The following DOCK5 variants were observed in gnomAD, a reference collection of about 807,000 sequenced individuals.
DOCK5 encodes dedicator of cytokinesis 5.
DOCK5 carries 142 observed loss-of-function variants against 251.8 expected under a neutral mutation model. The observed-to-expected ratio is 0.56, with a 90% CI of 0.49 to 0.65. DOCK5 has a LOEUF of 0.65. DOCK5 is among the 30% of genes least tolerant of loss of function. The pLI, the probability that DOCK5 is intolerant of heterozygous loss-of-function variation, is 0.00. For synonymous variants in DOCK5, 842 were observed against 835.5 expected (o/e 1.01, Z -0.13); for missense variants, 2,111 against 2,312.3 (o/e 0.91, Z 1.79).
Position 25,275,554 on chromosome 8 carries a change from G to T in DOCK5, c.224+113G>T, listed in dbSNP as rs538470910. The stretch of plus-strand genomic sequence containing the variant: ...TACGTTAATAGTTCTCTCATCTCAG[G>T]CCAGGCGTGGTGGCTCACGCCTGTA... On this transcript the variant is annotated intron_variant, in intron 4 of 51. Transcript: ENST00000276440. 25 of 1,085,894 alleles carry T rather than the reference G, an allele frequency of 2.3e-5. No individual in the cohort carries two copies. In the African/African-American group the frequency reaches 3.3e-4, roughly 14 times the overall value. The allele number at this position is 1,085,894 out of a possible 1,614,324, so 67.3% of individuals were successfully genotyped here. A position where few individuals can be genotyped will look rare whatever the true frequency, so the allele number is the denominator to read the frequency against.
At chr8:25,253,701 A>G (rs765070761) in intron 2 of DOCK5, among the ~76,000 whole-genome samples, 10 of 152,224 alleles carry the variant, frequency 6.6e-5, no homozygotes, top group Non-Finnish European at 1.2e-4. Flanking sequence ...CCATAGTAAT[A>G]TAAGAGTCAG....
chr8:25,258,726 G>T (rs1328759056), intron 2 of DOCK5, among the ~76,000 whole-genome samples: 1 of 152,172 alleles, frequency 6.6e-6, no homozygotes, highest in Non-Finnish European at 1.5e-5. Flanking sequence ...AGTGGCTCAA[G>T]AACACCTGTC....
intron 40 of DOCK5, among the ~76,000 whole-genome samples, chr8:25,385,486 C>T (rs1360397382): frequency 6.6e-6 from 1 of 152,122 alleles, no homozygotes; most frequent in African/African-American, 2.4e-5. Flanking sequence ...TTCTGGGCTT[C>T]TGGCCTGCAT....
intron 42 of DOCK5, among the ~76,000 whole-genome samples, chr8:25,390,826 T>G (rs1801244406): frequency 6.6e-6 from 1 of 152,074 alleles, no homozygotes; most frequent in African/African-American, 2.4e-5. Flanking sequence ...TTGTTTTTTT[T>G]TGAGACGGAA....
At chr8:25,374,789 T>C (rs756799074) in intron 37 of DOCK5, 135 bp downstream of exon 37, 1 of 1,566,430 alleles carries the variant, frequency 6.4e-7, no homozygotes, top group Non-Finnish European at 8.6e-7. Flanking sequence ...TTTTTAGTTC[T>C]TTCTAAATAG....
chr8:25,410,267 T>G, intron 51 of DOCK5, 65 bp downstream of exon 51: 1 of 1,427,934 alleles, frequency 7.0e-7, no homozygotes, highest in Non-Finnish European at 9.8e-7. Context: ...AGCATCAGGT[T>G]TTCCAGGCTC....
intron 7 of DOCK5, among the ~76,000 whole-genome samples, chr8:25,297,118 G>C (rs952322536): frequency 6.6e-6 from 1 of 151,672 alleles, no homozygotes; most frequent in African/African-American, 2.4e-5. Flanking sequence ...TTTTTGAGAC[G>C]GAGTCTTGCT....
intron 1 of DOCK5, among the ~76,000 whole-genome samples, chr8:25,195,931 A>C (rs1801714169): frequency 6.6e-6 from 1 of 152,140 alleles, no homozygotes; most frequent in African/African-American, 2.4e-5. Flanking sequence ...ATGAATACTG[A>C]CCCCATCATC....
At chr8:25,191,629 A>G (rs951748277) in intron 1 of DOCK5, among the ~76,000 whole-genome samples, 6 of 152,100 alleles carry the variant, frequency 3.9e-5, no homozygotes, top group Non-Finnish European at 7.4e-5. Flanking sequence ...TTTACCTGTT[A>G]TTTCATTAAA....
rs180726292 is a variant in DOCK5, at chr8:25,388,042, T to C, written c.4132-1049T>C. The stretch of plus-strand genomic sequence containing the variant: ...TAACTTGGAAAAGTTTTATCATATA[T>C]TCCAAAAGATCCAGTAGTTTTTACT... On this transcript the variant is annotated intron_variant, in intron 40 of 51. Coordinates refer to ENST00000276440, the MANE Select transcript of DOCK5 (RefSeq NM_024940.8). Among the ~76,000 whole-genome samples the C allele has an allele frequency of 1.9e-4, 29 of 152,336 alleles. No individual in the cohort carries two copies. The East Asian group carries it at 5.6e-3, about 29-fold the overall frequency.
chr8:25,363,006 G>T, intron 28 of DOCK5, 41 bp from the exon 29 acceptor site: 1 of 1,498,914 alleles, frequency 6.7e-7, no homozygotes, highest in Non-Finnish European at 9.3e-7. Context: ...GACTATGAAC[G>T]TAACCCAGTT....
At chr8:25,291,541 G>T (rs1301205082) in intron 5 of DOCK5, among the ~76,000 whole-genome samples, 3 of 151,818 alleles carry the variant, frequency 2.0e-5, no homozygotes, top group African/African-American at 4.8e-5. Flanking sequence ...AAATTAGCTG[G>T]GTGTGGTGGC....
intron 28 of DOCK5, among the ~76,000 whole-genome samples, 192 bp from the exon 29 acceptor site, chr8:25,362,855 A>G (rs1800711374): frequency 6.6e-6 from 1 of 152,140 alleles, no homozygotes. Context: ...GGGTCCTACA[A>G]TATAAAAATC....
At chr8:25,362,452 CT>C (rs1563216376) in intron 28 of DOCK5, among the ~76,000 whole-genome samples, 6 of 107,128 alleles carry the variant, frequency 5.6e-5, no homozygotes, top group Non-Finnish European at 7.8e-5. Flanking sequence ...CTTTTCTTTT[CT>C]TTTCTTTTCT....
At position 25,403,683 on chromosome 8, in the gene DOCK5, A is replaced by G. The variant is rs753968640; in HGVS notation, c.5052A>G (p.Ser1684=). The G allele has an allele frequency of 1.2e-6, 2 of 1,613,946 alleles. No individual in the cohort carries two copies. The highest frequency in any genetic ancestry group is 3.3e-5 in the Admixed American group (2 of 60,016). The part of the protein sequence containing the change: ...SVTSSVVSTS[S]NSSDNAPSRP... ...CTTCCTCTGTGGTTTCCACCTCTTC[A>G]AACTCGTCTGACAATGCTCCTTCCA... The change falls in exon 48 of 52, where the codon TCA becomes TCG. Residue 1684 remains serine (S), a synonymous_variant. Transcript: ENST00000276440.
intron 51 of DOCK5, among the ~76,000 whole-genome samples, chr8:25,410,977 GCGCGCGCA>G (rs373778105): frequency 3.3e-4 from 29 of 88,246 alleles, no homozygotes; most frequent in South Asian, 4.5e-4. Flanking sequence ...GTGTGTGCGC[GCGCGCGCA>G]CGCACGCACG....
intron 7 of DOCK5, among the ~76,000 whole-genome samples, chr8:25,297,641 G>A (rs1006003926): frequency 1.4e-4 from 22 of 152,120 alleles, no homozygotes; most frequent in African/African-American, 4.8e-4. Flanking sequence ...CACCCTCCTC[G>A]GCCTCCTGAA....
chr8:25,298,950 C>T lies in DOCK5; in HGVS notation c.613C>T (p.Leu205=). 6.2e-7 allele frequency: 1 copy of T among 1,611,318 alleles called. No homozygotes were observed. The highest frequency in any genetic ancestry group is 1.1e-5 in the South Asian group (1 of 90,416). ...CTGTTCCCTCTTTGTTCAGTCAATCCTGCAGAACCTCGATTTGCGGGGCCA... is the reference window on the plus strand; with the variant it reads ...CTGTTCCCTCTTTGTTCAGTCAATCTTGCAGAACCTCGATTTGCGGGGCCA... ...EEKIQEEKSI[L]QNLDLRGQSI... Residue 205 remains leucine, a synonymous_variant, in exon 8 of 52, where the codon CTG becomes TTG. Coordinates refer to ENST00000276440, the MANE Select transcript of DOCK5 (RefSeq NM_024940.8).
At chr8:25,362,926 G>A (rs1442864850) in intron 28 of DOCK5, 121 bp from the exon 29 acceptor site, 1 of 701,256 alleles carries the variant, frequency 1.4e-6, no homozygotes, top group Non-Finnish European at 2.5e-6. Context: ...TGAAAGATGG[G>A]CTGTTACTGT....
Sources: allele counts gnomAD v4.1 joint callset (sites outside exome capture counted in the v4.1 genomes callset), GRCh38; gene constraint gnomAD v4.1.1; transcripts MANE v1.5; gene names NCBI Gene and HGNC (gene_info 2026-07-23, HGNC 2026-07-21).